ABLIM2: variants seen among roughly 807,000 people sequenced by gnomAD.
The protein encoded by ABLIM2 is actin binding LIM protein family member 2.
A neutral mutation model predicts 97.7 loss-of-function variants in ABLIM2; 53 were observed. The observed-to-expected ratio is 0.54, with a 90% CI of 0.44 to 0.68. ABLIM2 has a LOEUF of 0.68. Among genes scored for constraint, ABLIM2 ranks in the 30% least tolerant of loss-of-function variants. ABLIM2 has a pLI of 0.00. For missense variants in ABLIM2, 835 were observed against 867.2 expected (o/e 0.96, Z 0.47); for synonymous variants, 361 against 345.8 (o/e 1.04, Z -0.49).
chr4:7,978,089 T>A lies in ABLIM2; in HGVS notation c.1824+5175A>T, dbSNP rs148257603. ...GACTTTTATGACAGTTAAGATTTTTTAAATATATATTAAAAATAAAGCTCT... is the reference window on the plus strand; with the variant it reads ...GACTTTTATGACAGTTAAGATTTTTAAAATATATATTAAAAATAAAGCTCT... On this transcript the variant is annotated intron_variant, in intron 20 of 20. Coordinates refer to ENST00000447017, the MANE Select transcript of ABLIM2 (RefSeq NM_001130083.2). Among the ~76,000 whole-genome samples the A allele has an allele frequency of 5.9e-3, 895 of 152,280 alleles. 5 individuals are homozygous for A. The highest frequency in any genetic ancestry group is 0.02 in the African/African-American group (849 of 41,560).
At chr4:8,090,532 T>C (rs1340346929) in intron 3 of ABLIM2, among the ~76,000 whole-genome samples, 1 of 152,086 alleles carries the variant, frequency 6.6e-6, no homozygotes, top group Non-Finnish European at 1.5e-5. Context: ...TACACACCCA[T>C]ATAACTGCCA....
At chr4:8,014,637 C>T (rs1189114826) in intron 14 of ABLIM2, among the ~76,000 whole-genome samples, 4 of 152,236 alleles carry the variant, frequency 2.6e-5, no homozygotes, top group African/African-American at 9.6e-5. Flanking sequence ...CAGGGTCACC[C>T]ATGTATCCCC....
chr4:8,136,768 T>A (rs1169141351), intron 1 of ABLIM2, among the ~76,000 whole-genome samples: 2 of 152,234 alleles, frequency 1.3e-5, no homozygotes, highest in African/African-American at 4.8e-5. Context: ...CACTGCCTAG[T>A]GCCATGTCCT....
chr4:8,064,735 G>C (rs189805726), intron 6 of ABLIM2, among the ~76,000 whole-genome samples: 1 of 152,100 alleles, frequency 6.6e-6, no homozygotes, highest in Non-Finnish European at 1.5e-5. Flanking sequence ...CAGGCAAAGC[G>C]ATCTACCTGG....
chr4:8,109,320 G>C (rs1839149741), intron 1 of ABLIM2, among the ~76,000 whole-genome samples: 1 of 152,232 alleles, frequency 6.6e-6, no homozygotes, highest in Non-Finnish European at 1.5e-5. Context: ...TGTGGCACAG[G>C]CCCAGAAAAC....
At chr4:7,994,709 C>G (rs1751853854) in intron 16 of ABLIM2, among the ~76,000 whole-genome samples, 1 of 111,836 alleles carries the variant, frequency 8.9e-6, no homozygotes, top group African/African-American at 2.8e-5. Context: ...GTTTACAGTC[C>G]CACCAACAGT....
In ABLIM2 at chr4:8,087,286, C is replaced by G. The variant is rs1476948188; in HGVS notation, c.454+883G>C. ...GCCTGTGTGCCATCTCATGATCCGG[C>G]AGAGCCACCCCAGCTGGGAAAGGCC... On this transcript the variant is annotated intron_variant, in intron 4 of 20. Coordinates refer to ENST00000447017, the MANE Select transcript of ABLIM2 (RefSeq NM_001130083.2). The surrounding 1 kb of genome is among the most constrained non-coding windows in gnomAD (Gnocchi z 4.6). Among the ~76,000 whole-genome samples the G allele has an allele frequency of 1.3e-5, 2 of 152,188 alleles. No homozygotes were observed. Among genetic ancestry groups the G allele is most frequent in the Non-Finnish European group, 2.9e-5 (2 of 68,038 alleles).
chr4:8,018,947 A>G (rs978172338), intron 14 of ABLIM2, among the ~76,000 whole-genome samples: 7 of 152,202 alleles, frequency 4.6e-5, no homozygotes, highest in African/African-American at 1.7e-4. Flanking sequence ...ACCGAGGCTC[A>G]GGATGGTGAA....
At chr4:8,060,887 T>G in intron 7 of ABLIM2, 80 bp downstream of exon 7, 1 of 1,247,788 alleles carries the variant, frequency 8.0e-7, no homozygotes, top group Non-Finnish European at 1.1e-6. Context: ...CACCAACCTG[T>G]TCACACCCAG....
chr4:8,154,209 G>A (rs576700269), intron 1 of ABLIM2, among the ~76,000 whole-genome samples: 22 of 150,590 alleles, frequency 1.5e-4, no homozygotes, highest in Middle Eastern at 3.5e-3. Flanking sequence ...TGATCCACCC[G>A]CCTCGGCCTC....
chr4:7,968,683 G>C (rs1725032599), intron 20 of ABLIM2, among the ~76,000 whole-genome samples: 2 of 152,212 alleles, frequency 1.3e-5, no homozygotes, highest in South Asian at 4.1e-4. Flanking sequence ...GGGGGAGAGA[G>C]GAATGGGGAG....
At chr4:8,084,907 G>T (rs1001432949) in intron 4 of ABLIM2, among the ~76,000 whole-genome samples, 4 of 152,226 alleles carry the variant, frequency 2.6e-5, no homozygotes, top group African/African-American at 7.2e-5. Flanking sequence ...GTTCGGCACG[G>T]CGCTCGCACT....
At position 8,002,663 on chromosome 4, in the gene ABLIM2, C is replaced by G. The variant is rs1758019184; in HGVS notation, c.1618+5396G>C. 6.6e-6 allele frequency among the ~76,000 whole-genome samples: 1 copy of G among 152,150 alleles called. No individual in the cohort carries two copies. The highest frequency in any genetic ancestry group is 1.5e-5 in the Non-Finnish European group (1 of 68,026). ...ACCGTCTCGGTTTCCCAAGGCCGCCCTGCTCCTGCCTCCAGACCTGTCTAC... is the reference window on the plus strand; with the variant it reads ...ACCGTCTCGGTTTCCCAAGGCCGCCGTGCTCCTGCCTCCAGACCTGTCTAC... On this transcript the variant is annotated intron_variant, in intron 16 of 20. Transcript: ENST00000447017. The surrounding 1 kb of genome is among the most constrained non-coding windows in gnomAD (Gnocchi z 6.1).
Position 8,158,772 on chromosome 4 carries a change from C to T in ABLIM2, c.-83G>A, listed in dbSNP as rs1198454403. 1.8e-5 allele frequency: 22 copies of T among 1,222,340 alleles called. No homozygotes were observed. Among genetic ancestry groups the T allele is most frequent in the Non-Finnish European group, 4.1e-6 (4 of 971,804 alleles). 75.7% of individuals were successfully genotyped at this position (1,222,340 alleles called of 1,614,324 possible). On this transcript the variant is annotated 5_prime_UTR_variant, in exon 1 of 21. Transcript: ENST00000447017. ...CCGCAGGTGCCGCGCCCGCGCTATCCTCCGCCCGCCCGCCGGCTCCGCGCC... is the reference window on the plus strand; with the variant it reads ...CCGCAGGTGCCGCGCCCGCGCTATCTTCCGCCCGCCCGCCGGCTCCGCGCC...
chr4:7,987,169 A>C (rs187174061), intron 17 of ABLIM2, among the ~76,000 whole-genome samples: 1 of 151,718 alleles, frequency 6.6e-6, no homozygotes, highest in East Asian at 2.0e-4. Flanking sequence ...GTAGAGATGG[A>C]GTCTCCCTTG....
Position 8,004,020 on chromosome 4 carries a change from C to T in ABLIM2, c.1618+4039G>A, listed in dbSNP as rs760821887. 5.8e-4 allele frequency among the ~76,000 whole-genome samples: 89 copies of T among 152,138 alleles called. No individual in the cohort carries two copies. Among genetic ancestry groups the T allele is most frequent in the Middle Eastern group, 3.4e-3 (1 of 294 alleles). On this transcript the variant is annotated intron_variant, in intron 16 of 20. Coordinates refer to ENST00000447017, the MANE Select transcript of ABLIM2 (RefSeq NM_001130083.2). This position sits in a 1 kb window ranked among gnomAD's most constrained non-coding sequence, Gnocchi z 5.9. ...CTTCCTTCGACCACGGACTAAGGAA[C>T]GCGAGAAGAACTCTTCTGCCCCATC...
intron 3 of ABLIM2, among the ~76,000 whole-genome samples, chr4:8,096,660 C>T (rs1831747787): frequency 6.6e-6 from 1 of 152,208 alleles, no homozygotes; most frequent in Non-Finnish European, 1.5e-5. Context: ...TTTCATGTTT[C>T]TCTTCTTTGT....
chr4:8,088,568 G>A (rs770776643), intron 3 of ABLIM2, among the ~76,000 whole-genome samples: 16 of 152,242 alleles, frequency 1.1e-4, no homozygotes, highest in Non-Finnish European at 1.3e-4. Context: ...GGCCAGCCCA[G>A]TGCTTGGCAC....
intron 8 of ABLIM2, among the ~76,000 whole-genome samples, chr4:8,053,836 G>A (rs1178598221): frequency 2.0e-5 from 3 of 152,004 alleles, no homozygotes; most frequent in Non-Finnish European, 4.4e-5. Context: ...ATGAGTTCCC[G>A]CCTTCTCTCC....
Sources: allele counts gnomAD v4.1 joint callset (sites outside exome capture counted in the v4.1 genomes callset), GRCh38; gene constraint gnomAD v4.1.1; non-coding constraint Gnocchi (gnomAD v3.1); transcripts MANE v1.5; gene names NCBI Gene and HGNC (gene_info 2026-07-23, HGNC 2026-07-21).